WWOX: variants seen among roughly 807,000 people sequenced by gnomAD.
The protein encoded by WWOX is WW domain containing oxidoreductase.
Under a neutral mutation model 46.2 loss-of-function variants are expected in WWOX, and 69 were observed. That is an observed-to-expected ratio of 1.49 (90% confidence interval 1.23 to 1.82). The LOEUF (loss-of-function observed/expected upper bound fraction) is 1.82, where lower values mean the gene tolerates loss of function less well. WWOX is among the 40% of genes most tolerant of loss of function. The pLI, the probability that WWOX is intolerant of heterozygous loss-of-function variation, is 0.00. For missense variants in WWOX, 919 were observed against 542.6 expected, an observed-to-expected ratio of 1.69 and a Z score of -6.89; for synonymous variants, 359 against 202.6, an observed-to-expected ratio of 1.77 and a Z score of -6.56.
intron 6 of WWOX, among the ~76,000 whole-genome samples, chr16:78,397,781 T>C (rs2082321952): frequency 6.6e-6 from 1 of 152,122 alleles, no homozygotes; most frequent in Admixed American, 6.5e-5. Flanking sequence ...CACCTCAACC[T>C]CCCAAACTGC....
At position 79,026,142 on chromosome 16, in the gene WWOX, T is replaced by C. The variant is rs1480013668; in HGVS notation, c.1057-185466T>C. 1.3e-5 allele frequency among the ~76,000 whole-genome samples: 2 copies of C among 151,586 alleles called. 1 individual carries two copies. The highest frequency in any genetic ancestry group is 4.9e-5 in the African/African-American group (2 of 40,948). On this transcript the variant is annotated intron_variant, in intron 8 of 8. Transcript: ENST00000566780. ...AAACACTAAGTGCATCATGTTAACC[T>C]TCCACTCGCTTCTTTAAGTTTCCTC... is the stretch of plus-strand genomic sequence containing the variant.
intron 8 of WWOX, among the ~76,000 whole-genome samples, chr16:79,042,819 C>G (rs762913785): frequency 6.6e-6 from 1 of 150,916 alleles, no homozygotes; most frequent in Non-Finnish European, 1.5e-5. Context: ...ATGCAAGTAC[C>G]AAAACAAAAC....
chr16:78,710,308 G>GAA (rs2048411470), intron 8 of WWOX, among the ~76,000 whole-genome samples: 1 of 150,770 alleles, frequency 6.6e-6, no homozygotes, highest in African/African-American at 2.5e-5. Flanking sequence ...GTCTCTGAAA[G>GAA]TAGTCTTCAA....
intron 8 of WWOX, chr16:78,890,149 A>G (rs1370483747): frequency 6.6e-6 from 1 of 152,230 alleles, no homozygotes; most frequent in African/African-American, 2.4e-5. Flanking sequence ...CATCAATGTC[A>G]TAACAGTTTT....
chr16:79,049,921 A>G (rs1235765333), intron 8 of WWOX, among the ~76,000 whole-genome samples: 22 of 152,096 alleles, frequency 1.4e-4, no homozygotes, highest in Non-Finnish European at 4.4e-5. Context: ...GGAGTGGTAA[A>G]AGCATGTGGT....
chr16:78,963,137 C>G (rs2046302918), intron 8 of WWOX, among the ~76,000 whole-genome samples: 1 of 152,078 alleles, frequency 6.6e-6, no homozygotes, highest in South Asian at 2.1e-4. Context: ...ATTTACCATT[C>G]CTCTTGTCTA....
chr16:78,966,829 G>T (rs1049533481), intron 8 of WWOX, among the ~76,000 whole-genome samples: 3 of 152,098 alleles, frequency 2.0e-5, no homozygotes, highest in African/African-American at 7.2e-5. Context: ...ACTGCTTTGG[G>T]CCTCGGGTAC....
intron 8 of WWOX, among the ~76,000 whole-genome samples, chr16:79,041,484 G>C (rs74560447): frequency 0.074 from 11,212 of 152,236 alleles, 540 homozygotes; most frequent in African/African-American, 0.14. Flanking sequence ...TAGGAACCTG[G>C]ATGATGGAGC....
chr16:78,125,170 A>G (rs180915642), intron 4 of WWOX, among the ~76,000 whole-genome samples: 36 of 152,314 alleles, frequency 2.4e-4, no homozygotes, highest in African/African-American at 7.7e-4. Flanking sequence ...AAATTTATGA[A>G]GATTCCGTAC....
At chr16:78,918,854 C>T (rs754357839) in intron 8 of WWOX, among the ~76,000 whole-genome samples, 1 of 152,156 alleles carries the variant, frequency 6.6e-6, no homozygotes, top group Non-Finnish European at 1.5e-5. Flanking sequence ...CATGATCCGT[C>T]GTTCCAAATA....
intron 5 of WWOX, among the ~76,000 whole-genome samples, chr16:78,301,132 G>A (rs1306935921): frequency 3.3e-5 from 5 of 152,114 alleles, no homozygotes; most frequent in East Asian, 1.9e-4. Flanking sequence ...ATTGCTGTAC[G>A]TAATCACAAC....
chr16:78,177,320 G>A (rs2035383449), intron 5 of WWOX, among the ~76,000 whole-genome samples: 1 of 152,156 alleles, frequency 6.6e-6, no homozygotes, highest in Non-Finnish European at 1.5e-5. Context: ...CGTGCTAGGT[G>A]GTAGAGTGGG....
intron 5 of WWOX, among the ~76,000 whole-genome samples, chr16:78,304,308 AT>A (rs1352698713): frequency 8.5e-5 from 13 of 152,240 alleles, no homozygotes; most frequent in African/African-American, 3.1e-4. Context: ...TTTTTGTAAA[AT>A]TTTAATTAGG....
chr16:79,077,007 C>G (rs898200463), intron 8 of WWOX, among the ~76,000 whole-genome samples: 1 of 152,160 alleles, frequency 6.6e-6, no homozygotes, highest in Non-Finnish European at 1.5e-5. Context: ...TATGAAATGA[C>G]TGTTTTTATA....
At chr16:78,109,663 C>T (rs1410513644) in intron 2 of WWOX, 115 bp from the exon 3 acceptor site, 2 of 970,662 alleles carry the variant, frequency 2.1e-6, no homozygotes, top group African/African-American at 1.7e-5. Context: ...GTGACAACTG[C>T]TGGGTGGGAG....
chr16:79,163,289 C>A (rs1036231020), intron 8 of WWOX, among the ~76,000 whole-genome samples: 5 of 152,128 alleles, frequency 3.3e-5, no homozygotes, highest in African/African-American at 1.2e-4. Context: ...GGTGGTTAAA[C>A]ATCCAAGCAT....
chr16:78,777,464 G>C (rs1348142096), intron 8 of WWOX, among the ~76,000 whole-genome samples: 1 of 152,192 alleles, frequency 6.6e-6, no homozygotes, highest in Non-Finnish European at 1.5e-5. Context: ...GTATTGGAAA[G>C]CACAGAGTAG....
chr16:79,084,688 C>T (rs1344434524), intron 8 of WWOX, among the ~76,000 whole-genome samples: 2 of 152,220 alleles, frequency 1.3e-5, no homozygotes, highest in African/African-American at 4.8e-5. Flanking sequence ...GCTGGGATTA[C>T]AGGCATGAGC....
At chr16:78,994,969 CTTTTTTT>C (rs869088414) in intron 8 of WWOX, among the ~76,000 whole-genome samples, 1 of 114,622 alleles carries the variant, frequency 8.7e-6, no homozygotes, top group Non-Finnish European at 1.7e-5. Flanking sequence ...TCTTCTTCTT[CTTTTTTT>C]TTTTTTTTTT....
Sources: allele counts gnomAD v4.1 joint callset (sites outside exome capture counted in the v4.1 genomes callset), GRCh38; gene constraint gnomAD v4.1.1; transcripts MANE v1.5; gene names NCBI Gene and HGNC (gene_info 2026-07-23, HGNC 2026-07-21).